Variants in PCP4L1 observed in about 807,000 individuals in gnomAD.
PCP4L1 encodes the protein Purkinje cell protein 4-like protein 1.
PCP4L1 carries 9 observed loss-of-function variants against 9.6 expected under a neutral mutation model. That is an observed-to-expected ratio of 0.94 (90% CI 0.57 to 1.64). The LOEUF is 1.64. Among genes scored for constraint, PCP4L1 ranks in the 40% most tolerant of loss-of-function variants. The pLI, the probability that PCP4L1 is intolerant of heterozygous loss-of-function variation, is 0.00. For synonymous variants in PCP4L1, 31 were observed against 28.2 expected, an observed-to-expected ratio of 1.10 and a Z score of -0.31; for missense variants, 81 against 80.8, an observed-to-expected ratio of 1.00 and a Z score of -0.01.
chr1:161,284,648 C>A lies in PCP4L1; in HGVS notation c.*167C>A. 2.3e-6 allele frequency: 2 copies of A among 868,194 alleles called. No homozygotes were observed. Among genetic ancestry groups the A allele is most frequent in the Non-Finnish European group, 3.5e-6 (2 of 569,368 alleles). 53.8% of individuals were successfully genotyped at this position (868,194 alleles called of 1,614,324 possible). A position where few individuals can be genotyped will look rare whatever the true frequency, so the allele number is the denominator to read the frequency against. ...TCAAGCCATCACAGAAGTAGAGGCA[C>A]AAGAGAGGTGGAGAAGATGAAGACT... On this transcript the variant is annotated 3_prime_UTR_variant, in exon 3 of 3. Coordinates refer to ENST00000504449, the MANE Select transcript of PCP4L1 (RefSeq NM_001102566.2).
intron 1 of PCP4L1, among the ~76,000 whole-genome samples, chr1:161,260,598 C>T (rs1407027929): frequency 6.6e-6 from 1 of 152,176 alleles, no homozygotes; most frequent in African/African-American, 2.4e-5. Context: ...GGGGTAAGTG[C>T]ACAGCCCCTT....
intron 1 of PCP4L1, among the ~76,000 whole-genome samples, chr1:161,274,847 C>T (rs868226173): frequency 6.6e-6 from 1 of 152,160 alleles, no homozygotes; most frequent in Non-Finnish European, 1.5e-5. Context: ...GTAAAAGCTC[C>T]TGCACCCCTT....
chr1:161,258,799 G>T lies in PCP4L1; in HGVS notation c.-176G>T. 1 of 1,040,412 alleles carries T rather than the reference G, an allele frequency of 9.6e-7. No individual in the cohort carries two copies. The highest frequency in any genetic ancestry group is 1.4e-6 in the Non-Finnish European group (1 of 709,482). 64.4% of individuals were successfully genotyped at this position (1,040,412 alleles called of 1,614,324 possible). On this transcript the variant is annotated 5_prime_UTR_variant, in exon 1 of 3. Coordinates refer to ENST00000504449, the MANE Select transcript of PCP4L1 (RefSeq NM_001102566.2). The stretch of plus-strand genomic sequence containing the variant: ...GGTCGCCTGGCCGGAGCTGGGCTCC[G>T]AGAATCCCGGGTGCCAGCACCAGAG...
At chr1:161,263,821 C>T (rs1669459811) in intron 1 of PCP4L1, among the ~76,000 whole-genome samples, 1 of 150,450 alleles carries the variant, frequency 6.6e-6, no homozygotes, top group Non-Finnish European at 1.5e-5. Context: ...TGAGCTCAAG[C>T]AGTTCACCCA....
In PCP4L1 at chr1:161,284,432, A is replaced by G. The variant is rs369702581; in HGVS notation, c.158A>G (p.Gln53Arg). Residue 53 changes from glutamine to arginine, a missense_variant, in exon 3 of 3, where the codon CAG (glutamine) becomes CGG (arginine). Coordinates refer to ENST00000504449, the MANE Select transcript of PCP4L1 (RefSeq NM_001102566.2). The part of the protein sequence containing the change: ...PETEKAALAI[Q>R]GKFRRFQKRK... ...ACAGAGAAGGCTGCCCTTGCTATTC[A>G]GGGCAAGTTCCGGCGATTTCAGAAA... The G allele has an allele frequency of 2.2e-5, 36 of 1,614,030 alleles. No homozygotes were observed. Among genetic ancestry groups the G allele is most frequent in the Admixed American group, 1.7e-4 (10 of 60,026 alleles).
chr1:161,273,751 A>G (rs1398041936), intron 1 of PCP4L1, among the ~76,000 whole-genome samples: 1 of 152,212 alleles, frequency 6.6e-6, no homozygotes, highest in Non-Finnish European at 1.5e-5. Context: ...CAGAAATCTG[A>G]GTGATAGGCG....
rs753650496 is a variant in PCP4L1 at position 161,258,944 on chromosome 1, A to AGCGCCTCGC, written c.-25_-17dup. The stretch of plus-strand genomic sequence containing the variant: ...GGCCACTCGCCTCACCTGTGCGTGC[A>AGCGCCTCGC]GCGCCTCGCGCGCCCTGTCCGGCTG... On this transcript the variant is annotated 5_prime_UTR_variant, in exon 1 of 3. Transcript: ENST00000504449. The AGCGCCTCGC allele has an allele frequency of 2.6e-6, 4 of 1,534,768 alleles. No homozygotes were observed. The South Asian group carries it at 4.8e-5, about 18-fold the overall frequency.
At chr1:161,263,685 A>C (rs1433995871) in intron 1 of PCP4L1, among the ~76,000 whole-genome samples, 3 of 150,718 alleles carry the variant, frequency 2.0e-5, no homozygotes, top group African/African-American at 7.3e-5. Context: ...GGACTTAAGC[A>C]ATCTTCCCAC....
chr1:161,268,588 T>G (rs948115136), intron 1 of PCP4L1, among the ~76,000 whole-genome samples: 3 of 144,198 alleles, frequency 2.1e-5, no homozygotes, highest in African/African-American at 7.7e-5. Context: ...AGTCTCGCTC[T>G]TGTTGCCCAG....
chr1:161,259,699 C>T (rs1669386199), intron 1 of PCP4L1, among the ~76,000 whole-genome samples: 1 of 152,192 alleles, frequency 6.6e-6, no homozygotes, highest in South Asian at 2.1e-4. Flanking sequence ...GGGGTCAAAG[C>T]AGAGACTTTG....
chr1:161,277,171 T>C (rs1669714370), intron 1 of PCP4L1, among the ~76,000 whole-genome samples: 1 of 152,186 alleles, frequency 6.6e-6, no homozygotes, highest in Non-Finnish European at 1.5e-5. Flanking sequence ...GTGGTGTCTC[T>C]AAACACTATC....
Position 161,258,971 on chromosome 1 carries a change from G to T in PCP4L1, c.-4G>T, listed in dbSNP as rs1167922116. The T allele has an allele frequency of 2.7e-5, 42 of 1,534,048 alleles. No individual in the cohort carries two copies. The East Asian group carries it at 6.6e-4, about 24-fold the overall frequency. Reference sequence around the variant, plus strand: ...CGCCTCGCGCGCCCTGTCCGGCTGCGGAGATGAGCGAGGTGAGCGGTGCGG... The same window carrying T: ...CGCCTCGCGCGCCCTGTCCGGCTGCTGAGATGAGCGAGGTGAGCGGTGCGG... On this transcript the variant is annotated 5_prime_UTR_variant, in exon 1 of 3. Transcript: ENST00000504449.
chr1:161,282,777 G>A (rs1046946434), intron 1 of PCP4L1, among the ~76,000 whole-genome samples: 1 of 151,936 alleles, frequency 6.6e-6, no homozygotes, highest in Non-Finnish European at 1.5e-5. Flanking sequence ...GCCAAAATTT[G>A]GAATCATCCT....
At chr1:161,280,292 G>A (rs1030756199) in intron 1 of PCP4L1, among the ~76,000 whole-genome samples, 4 of 151,964 alleles carry the variant, frequency 2.6e-5, no homozygotes, top group Non-Finnish European at 5.9e-5. Context: ...AGTTCCTGTG[G>A]GTATCCTAGT....
Position 161,284,467 on chromosome 1 carries a change from G to C in PCP4L1, c.193G>C (p.Asp65His). ...CCGGCGATTTCAGAAAAGGAAAAAG[G>C]ATCCCAGCTCCTGAATGGCCAGGCT... ...KFRRFQKRKK[D>H]PSS Residue 65 changes from aspartate (D) to histidine (H), a missense_variant, in exon 3 of 3, where the codon GAT (aspartate) becomes CAT (histidine). By Grantham distance (81) the Asp-to-His change is moderately conservative. Transcript: ENST00000504449. 1 of 1,613,504 alleles carries C rather than the reference G, an allele frequency of 6.2e-7. No individual in the cohort carries two copies. The highest frequency in any genetic ancestry group is 8.5e-7 in the Non-Finnish European group (1 of 1,179,710).
At position 161,258,966 on chromosome 1, in the gene PCP4L1, G is replaced by A; in HGVS notation, c.-9G>A. 1 of 1,534,384 alleles carries A rather than the reference G, an allele frequency of 6.5e-7. No homozygotes were observed. The highest frequency in any genetic ancestry group is 1.2e-5 in the South Asian group (1 of 83,948). ...TGCAGCGCCTCGCGCGCCCTGTCCG[G>A]CTGCGGAGATGAGCGAGGTGAGCGG... On this transcript the variant is annotated 5_prime_UTR_variant, in exon 1 of 3. Coordinates refer to ENST00000504449, the MANE Select transcript of PCP4L1 (RefSeq NM_001102566.2).
intron 1 of PCP4L1, among the ~76,000 whole-genome samples, chr1:161,267,946 C>A (rs1669556357): frequency 6.6e-6 from 1 of 152,176 alleles, no homozygotes; most frequent in Admixed American, 6.5e-5. Context: ...CTCCTGACCT[C>A]AGGTGATCCC....
intron 1 of PCP4L1, among the ~76,000 whole-genome samples, chr1:161,260,470 C>T (rs1669396462): frequency 1.3e-5 from 2 of 152,186 alleles, no homozygotes; most frequent in Admixed American, 1.3e-4. Flanking sequence ...AGGGTTCATA[C>T]TACTCCTCCC....
intron 1 of PCP4L1, among the ~76,000 whole-genome samples, chr1:161,264,356 A>C (rs567195287): frequency 1.2e-4 from 19 of 152,042 alleles, no homozygotes; most frequent in African/African-American, 4.3e-4. Context: ...GTCTCTATTA[A>C]AACTACAAAA....
Sources: allele counts gnomAD v4.1 joint callset (sites outside exome capture counted in the v4.1 genomes callset), GRCh38; gene constraint gnomAD v4.1.1; transcripts MANE v1.5; gene names NCBI Gene and HGNC (gene_info 2026-07-23, HGNC 2026-07-21).